The following EPB41 variants were observed in gnomAD, a reference collection of about 807,000 sequenced individuals.
EPB41 encodes protein 4.1.
EPB41 carries 65 observed loss-of-function variants against 108.0 expected under a neutral mutation model. The ratio of observed to expected loss-of-function variants is 0.60; its 90% CI spans 0.49 to 0.74. EPB41 has a LOEUF of 0.74. Ranked by LOEUF, EPB41 falls within the 30% of genes least tolerant of loss-of-function variation. The pLI, the probability that EPB41 is intolerant of heterozygous loss-of-function variation, is 0.00. For synonymous variants in EPB41, 336 were observed against 358.9 expected (o/e 0.94, Z 0.72); for missense variants, 875 against 1,037.0 (o/e 0.84, Z 2.15).
At chr1:28,954,075 A>G (rs1432362648) in intron 1 of EPB41, among the ~76,000 whole-genome samples, 2 of 152,204 alleles carry the variant, frequency 1.3e-5, no homozygotes, top group Admixed American at 6.5e-5. Flanking sequence ...TCTATATTTT[A>G]ACATGTTCCA....
At chr1:28,967,112 G>C (rs1175032556) in intron 1 of EPB41, among the ~76,000 whole-genome samples, 3 of 140,258 alleles carry the variant, frequency 2.1e-5, no homozygotes, top group Non-Finnish European at 4.5e-5. Flanking sequence ...TCTGCCTCCA[G>C]GGTTCAAGCG....
At chr1:28,932,306 A>G (rs2093789109) in intron 1 of EPB41, among the ~76,000 whole-genome samples, 1 of 152,016 alleles carries the variant, frequency 6.6e-6, no homozygotes, top group South Asian at 2.1e-4. Flanking sequence ...TATTTTTAGT[A>G]GAGATGGAGT....
intron 7 of EPB41, among the ~76,000 whole-genome samples, chr1:29,023,108 C>A (rs1213872331): frequency 6.6e-6 from 1 of 151,610 alleles, no homozygotes; most frequent in Non-Finnish European, 1.5e-5. Context: ...GATTCTCGTG[C>A]CTCAGCCTCC....
intron 16 of EPB41, among the ~76,000 whole-genome samples, chr1:29,095,885 A>G (rs1663041699): frequency 6.6e-6 from 1 of 152,224 alleles, no homozygotes. Context: ...TAACACAAGG[A>G]AGACCATAGG....
At chr1:28,887,166 G>C, upstream of EPB41, 1 of 1,158,226 alleles carries the variant, frequency 8.6e-7, no homozygotes, top group Non-Finnish European at 1.1e-6. This position sits in a 1 kb window ranked among gnomAD's most constrained non-coding sequence, Gnocchi z 4.9. Context: ...AGAGCGGCGC[G>C]GAGCCAGAAC....
intron 1 of EPB41, among the ~76,000 whole-genome samples, chr1:28,888,206 G>C (rs2089671873): frequency 6.6e-6 from 1 of 152,282 alleles, no homozygotes; most frequent in Non-Finnish European, 1.5e-5. Flanking sequence ...TCCAGAAGGA[G>C]GAGGCTTGGA....
At chr1:29,106,449 T>C (rs1000060399) in intron 17 of EPB41, among the ~76,000 whole-genome samples, 3 of 151,946 alleles carry the variant, frequency 2.0e-5, no homozygotes, top group African/African-American at 7.2e-5. Context: ...TTTTATTTTT[T>C]ATTTTATTTA....
chr1:29,084,029 T>TC (rs1377204872), intron 16 of EPB41, among the ~76,000 whole-genome samples: 1 of 3,346 alleles, frequency 3.0e-4, no homozygotes, highest in Non-Finnish European at 0.017. Flanking sequence ...CTGCTGGGTA[T>TC]CTTCTTCTGT....
At chr1:28,928,832 TAGA>T (rs2093590721) in intron 1 of EPB41, among the ~76,000 whole-genome samples, 1 of 152,186 alleles carries the variant, frequency 6.6e-6, no homozygotes, top group Non-Finnish European at 1.5e-5. Flanking sequence ...ACATTAATTA[TAGA>T]AGAACTAGGT....
In EPB41 at chr1:28,987,324, T is replaced by C; in HGVS notation, c.-7-107T>C. 5.5e-6 allele frequency: 5 copies of C among 906,872 alleles called. No individual in the cohort carries two copies. In the South Asian group the frequency reaches 7.2e-5, roughly 13 times the overall value. The allele number at this position is 906,872 out of a possible 1,614,324, so 56.2% of individuals were successfully genotyped here. A position where few individuals can be genotyped will look rare whatever the true frequency, so the allele number is the denominator to read the frequency against. On this transcript the variant is annotated intron_variant, in intron 1 of 20. Coordinates refer to ENST00000343067, the MANE Select transcript of EPB41 (RefSeq NM_001376013.1). ...GTTTAATGGGTTTGAATTCTGTTTGTTGGCAATTAAATACCTAAGTATATT... is the reference window on the plus strand; with the variant it reads ...GTTTAATGGGTTTGAATTCTGTTTGCTGGCAATTAAATACCTAAGTATATT...
Position 29,097,932 on chromosome 1 carries a change from C to G in EPB41, c.2310C>G (p.Ala770=). The change falls in exon 17 of 21, where the codon GCC becomes GCG. Residue 770 remains alanine (A), a synonymous_variant. Transcript: ENST00000343067. Reference sequence around the variant, plus strand: ...CCAAGACCATCACTTATGAGGCTGCCCAGGTAGGACATGTTTTGATGCTTC... The same window carrying G: ...CCAAGACCATCACTTATGAGGCTGCGCAGGTAGGACATGTTTTGATGCTTC... ...TETKTITYEA[A]QTDDNSGDLD... is the part of the protein sequence containing the mutation. 3 of 1,613,908 alleles carry G rather than the reference C, an allele frequency of 1.9e-6. No individual in the cohort carries two copies. The highest frequency in any genetic ancestry group is 2.5e-6 in the Non-Finnish European group (3 of 1,179,866).
intron 1 of EPB41, among the ~76,000 whole-genome samples, chr1:28,901,913 T>C (rs1184468680): frequency 1.3e-5 from 2 of 152,236 alleles, no homozygotes; most frequent in African/African-American, 4.8e-5. Flanking sequence ...TCCATAGCAC[T>C]TATGACTCTT....
intron 1 of EPB41, among the ~76,000 whole-genome samples, chr1:28,952,241 C>T (rs966368989): frequency 5.4e-5 from 8 of 148,928 alleles, no homozygotes; most frequent in African/African-American, 7.5e-5. Flanking sequence ...CAAAGTGGTT[C>T]GTGCGGCCGG....
intron 12 of EPB41, 30 bp from the exon 13 acceptor site, chr1:29,058,558 TG>T (rs1348546180): frequency 6.3e-7 from 1 of 1,599,300 alleles, no homozygotes; most frequent in African/African-American, 1.3e-5. Context: ...TAACCTAAAA[TG>T]TTTTTACTAC....
intron 1 of EPB41, among the ~76,000 whole-genome samples, chr1:28,973,684 T>C (rs553899887): frequency 6.6e-6 from 1 of 152,196 alleles, no homozygotes; most frequent in Non-Finnish European, 1.5e-5. Flanking sequence ...TGTGAGCCAC[T>C]GTGCCCAACC....
At chr1:29,094,067 T>C (rs1662304791) in intron 16 of EPB41, among the ~76,000 whole-genome samples, 4 of 152,172 alleles carry the variant, frequency 2.6e-5, no homozygotes, top group Admixed American at 2.6e-4. Flanking sequence ...CAATATTGTG[T>C]ATATGGCTAG....
chr1:28,971,150 A>C (rs561174422), intron 1 of EPB41, among the ~76,000 whole-genome samples: 3 of 127,922 alleles, frequency 2.3e-5, no homozygotes, highest in Non-Finnish European at 4.9e-5. Flanking sequence ...ACCCGGCCGC[A>C]TTTAATCTTT....
chr1:29,052,487 A>G (rs542821824), intron 11 of EPB41, among the ~76,000 whole-genome samples: 1 of 152,328 alleles, frequency 6.6e-6, no homozygotes, highest in Admixed American at 6.5e-5. Flanking sequence ...AAGATTTTGA[A>G]TTTGTGTTAT....
At position 29,118,626 on chromosome 1, in the gene EPB41, G is replaced by A. The variant is rs543978603; in HGVS notation, c.*1814G>A. The A allele has an allele frequency of 1.3e-5, 2 of 152,330 alleles. No individual in the cohort carries two copies. Among genetic ancestry groups the A allele is most frequent in the South Asian group, 2.1e-4 (1 of 4,816 alleles). 9.4% of individuals were successfully genotyped at this position (152,330 alleles called of 1,614,324 possible). On this transcript the variant is annotated 3_prime_UTR_variant, in exon 21 of 21. Transcript: ENST00000343067. ...GTCTCCACTGCCTGAGTTTTGTTTC[G>A]GCTGGTTTGAACTCATTTCGGGTGT...
Sources: allele counts gnomAD v4.1 joint callset (sites outside exome capture counted in the v4.1 genomes callset), GRCh38; gene constraint gnomAD v4.1.1; non-coding constraint Gnocchi (gnomAD v3.1); transcripts MANE v1.5; gene names NCBI Gene and HGNC (gene_info 2026-07-23, HGNC 2026-07-21).